Variants in NOMO1 observed in about 807,000 individuals in gnomAD.
The protein encoded by NOMO1 is nodal modulator 3.
In NOMO1, 40 loss-of-function variants were observed where a neutral mutation model predicts 133.8. That is an observed-to-expected ratio of 0.30 (90% CI 0.23 to 0.39). The LOEUF (loss-of-function observed/expected upper bound fraction) is 0.39. Ranked by LOEUF, NOMO1 falls within the 10% of genes least tolerant of loss-of-function variation. The pLI, the probability that NOMO1 is intolerant of heterozygous loss-of-function variation, is 1.00. For synonymous variants in NOMO1, 236 were observed against 570.5 expected, an observed-to-expected ratio of 0.41 and a Z score of 8.36; for missense variants, 462 against 1,419.9, an observed-to-expected ratio of 0.33 and a Z score of 10.84.
chr16:14,836,850 C>T (rs1251764137), intron 1 of NOMO1, among the ~76,000 whole-genome samples: 4 of 150,944 alleles, frequency 2.6e-5, no homozygotes, highest in South Asian at 2.1e-4. Context: ...GGACTACAGG[C>T]GCCCGCCACC....
At chr16:14,842,637 G>A (rs1963623141) in intron 3 of NOMO1, among the ~76,000 whole-genome samples, 1 of 151,884 alleles carries the variant, frequency 6.6e-6, no homozygotes, top group South Asian at 2.1e-4. Context: ...TGATAAGATA[G>A]CACTTCACCA....
chr16:14,879,202 C>G (rs1244393621), intron 23 of NOMO1, among the ~76,000 whole-genome samples: 17 of 151,758 alleles, frequency 1.1e-4, no homozygotes, highest in African/African-American at 4.1e-4. Context: ...AGACATTCCA[C>G]TTGGTGGGAA....
intron 1 of NOMO1, among the ~76,000 whole-genome samples, chr16:14,837,412 C>G (rs1208894497): frequency 6.6e-6 from 1 of 152,134 alleles, no homozygotes; most frequent in Non-Finnish European, 1.5e-5. Context: ...GTGTCTACAT[C>G]TGAAGAAACC....
chr16:14,876,578 T>G, intron 21 of NOMO1, 60 bp downstream of exon 21: 1 of 1,611,242 alleles, frequency 6.2e-7, no homozygotes, highest in Non-Finnish European at 8.5e-7. Flanking sequence ...CTGAAGAAAC[T>G]GGGGCCCACA....
Position 14,857,652 on chromosome 16 carries a change from C to T in NOMO1, c.1217C>T (p.Thr406Ile), listed in dbSNP as rs1216364004. The T allele has an allele frequency of 6.2e-7, 1 of 1,613,576 alleles. No homozygotes were observed. The highest frequency in any genetic ancestry group is 1.3e-5 in the African/African-American group (1 of 74,784). Residue 406 changes from threonine to isoleucine, a missense_variant, in exon 11 of 31, where the codon ACA becomes ATA. Transcript: ENST00000287667. ...CCTCAGCTGGCTGACATTATTGCAACAGGGTAAGCTTATCGTGTGGATTTG... is the reference window on the plus strand; with the variant it reads ...CCTCAGCTGGCTGACATTATTGCAATAGGGTAAGCTTATCGTGTGGATTTG... ...NTPQLADIIA[T>I]GFSVCGQISI...
Position 14,884,471 on chromosome 16 carries a change from C to T in NOMO1, c.3211C>T (p.Pro1071Ser). Residue 1071 changes from proline (P) to serine (S), a missense_variant, in exon 27 of 31, where the codon CCT (proline) becomes TCT (serine). By Grantham distance (74) the Pro-to-Ser change is moderately conservative (BLOSUM62 -1). Transcript: ENST00000287667. ...GNVITSSEYL[P>S]TLWVKLYKSE... ...TGTGATCACTTCCTCTGAATACCTTCCTACATTATGGGTAAGTCCAGACTT... is the reference window on the plus strand; with the variant it reads ...TGTGATCACTTCCTCTGAATACCTTTCTACATTATGGGTAAGTCCAGACTT... 6.2e-7 allele frequency: 1 copy of T among 1,611,650 alleles called. No individual in the cohort carries two copies. The highest frequency in any genetic ancestry group is 2.2e-5 in the East Asian group (1 of 44,868).
chr16:14,878,561 C>T (rs1235884807), intron 22 of NOMO1, among the ~76,000 whole-genome samples, 160 bp from the exon 23 acceptor site: 2 of 126,400 alleles, frequency 1.6e-5, no homozygotes, highest in African/African-American at 3.0e-5. Context: ...AAACTTACAA[C>T]AGTAGTTACC....
At position 14,857,587 on chromosome 16, in the gene NOMO1, C is replaced by G. The variant is rs1963861846; in HGVS notation, c.1152C>G (p.Leu384=). The change falls in exon 11 of 31, where the codon CTC becomes CTG. Residue 384 remains leucine, a synonymous_variant. Coordinates refer to ENST00000287667, the MANE Select transcript of NOMO1 (RefSeq NM_014287.4). The part of the protein sequence containing the change: ...TYTIHAQKEH[L]YFETVTIKIA... ...CCATCCATGCTCAGAAAGAGCACCT[C>G]TACTTTGAAACGGTCACCATCAAAA... The G allele has an allele frequency of 1.2e-6, 2 of 1,612,800 alleles. No homozygotes were observed. Among genetic ancestry groups the G allele is most frequent in the African/African-American group, 2.7e-5 (2 of 74,556 alleles).
chr16:14,871,222 G>T (rs1193528715), intron 16 of NOMO1, among the ~76,000 whole-genome samples: 1 of 151,388 alleles, frequency 6.6e-6, no homozygotes, highest in African/African-American at 2.4e-5. Flanking sequence ...TTTATAGGAA[G>T]AAATTGAGGC....
chr16:14,836,694 CTTTTTTTTTT>C (rs954619401), intron 1 of NOMO1, among the ~76,000 whole-genome samples: 2 of 131,244 alleles, frequency 1.5e-5, no homozygotes, highest in South Asian at 5.0e-4. Context: ...TTCCATTTTA[CTTTTTTTTTT>C]TTTTTTTTTT....
chr16:14,884,191 C>T (rs1208362328), intron 26 of NOMO1, among the ~76,000 whole-genome samples, 181 bp from the exon 27 acceptor site: 1 of 151,890 alleles, frequency 6.6e-6, no homozygotes, highest in Non-Finnish European at 1.5e-5. Context: ...GTCTATGGGC[C>T]AGGGATAGCC....
Position 14,868,655 on chromosome 16 carries a change from T to C in NOMO1, c.1894+20T>C, listed in dbSNP as rs371053977. 3,242 of 1,511,664 alleles carry C rather than the reference T, an allele frequency of 2.1e-3. 11 individuals carry two copies. The highest frequency in any genetic ancestry group is 2.8e-3 in the South Asian group (247 of 88,658). 93.6% of individuals were successfully genotyped at this position (1,511,664 alleles called of 1,614,324 possible). ...AGCCTGGTAAGTTTGGAAGGATTGA[T>C]GTGCCATGAATTAGAAAAATGGAAA... On this transcript the variant is annotated intron_variant, in intron 16 of 30. Coordinates refer to ENST00000287667, the MANE Select transcript of NOMO1 (RefSeq NM_014287.4).
At chr16:14,860,080 TG>T (rs1336162262) in intron 11 of NOMO1, among the ~76,000 whole-genome samples, 1 of 151,822 alleles carries the variant, frequency 6.6e-6, no homozygotes, top group African/African-American at 2.4e-5. Flanking sequence ...AGGAGTTGTC[TG>T]TTGGTTGGCC....
intron 19 of NOMO1, 37 bp downstream of exon 19, chr16:14,875,291 G>A (rs1424318143): frequency 1.2e-6 from 2 of 1,609,130 alleles, no homozygotes; most frequent in Non-Finnish European, 1.7e-6. Flanking sequence ...AGTGTCCTCT[G>A]TTTTGTGGGG....
chr16:14,855,930 G>T lies in NOMO1; in HGVS notation c.964-1287G>T, dbSNP rs1456725143. On this transcript the variant is annotated intron_variant, in intron 9 of 30. Transcript: ENST00000287667. ...AAACATGTCTTTTTGGAAAGATCAA[G>T]AAGGACTACCTGTCATGTGAGACCA... Among the ~76,000 whole-genome samples, 16 of 152,082 alleles carry T rather than the reference G, an allele frequency of 1.1e-4. No homozygotes were observed. The South Asian group carries it at 2.3e-3, about 22-fold the overall frequency.
Position 14,880,541 on chromosome 16 carries a change from A to G in NOMO1, c.2885+399A>G, listed in dbSNP as rs1173545068. 2.6e-5 allele frequency among the ~76,000 whole-genome samples: 4 copies of G among 151,142 alleles called. 1 individual carries two copies. The highest frequency in any genetic ancestry group is 5.9e-5 in the Non-Finnish European group (4 of 67,826). On this transcript the variant is annotated intron_variant, in intron 24 of 30. Coordinates refer to ENST00000287667, the MANE Select transcript of NOMO1 (RefSeq NM_014287.4). ...CAAGTAGCTGGGACTGCCACCATGCATGGCTAATTTTTCTATTTTTAGTAG... is the reference window on the plus strand; with the variant it reads ...CAAGTAGCTGGGACTGCCACCATGCGTGGCTAATTTTTCTATTTTTAGTAG...
At chr16:14,878,425 C>G (rs1305937421) in intron 22 of NOMO1, among the ~76,000 whole-genome samples, 1 of 99,998 alleles carries the variant, frequency 1.0e-5, no homozygotes, top group Non-Finnish European at 1.8e-5. Flanking sequence ...GCTTGGGAGG[C>G]GAAGGTTGTA....
In NOMO1 at chr16:14,876,467, G is replaced by A; in HGVS notation, c.2465G>A (p.Gly822Glu). The change falls in exon 21 of 31, where the codon GGG becomes GAG. Residue 822 changes from glycine (G) to glutamate (E), a missense_variant. By Grantham distance (98) the Gly-to-Glu change is moderately conservative. Transcript: ENST00000287667. The part of the protein sequence containing the change: ...EGVEIVISEK[G>E]ASSPLITVFT... ...GTCGAGATTGTCATCAGTGAAAAGG[G>A]GGCAAGTTCACCGCTGATCACAGTC... 1.9e-6 allele frequency: 3 copies of A among 1,611,418 alleles called. No homozygotes were observed. Among genetic ancestry groups the A allele is most frequent in the East Asian group, 4.5e-5 (2 of 44,808 alleles).
chr16:14,886,998 G>A (rs1964335311), intron 28 of NOMO1, 136 bp downstream of exon 28: 2 of 1,026,222 alleles, frequency 1.9e-6, no homozygotes, highest in East Asian at 5.0e-5. Flanking sequence ...AAAAGAGGTT[G>A]GGTTCTGTAG....
Sources: gnomAD v4.1 joint callset for allele counts (sites outside exome capture counted in the v4.1 genomes callset) on GRCh38, gnomAD v4.1.1 for gene constraint, MANE v1.5 for transcripts, NCBI Gene and HGNC (gene_info 2026-07-23, HGNC 2026-07-21) for gene names.